The following CEP112 variants were observed in gnomAD, a reference collection of about 807,000 sequenced individuals.
CEP112 encodes centrosomal protein 112, also known as centrosomal protein of 112 kDa.
Under a neutral mutation model 153.0 loss-of-function variants are expected in CEP112, and 127 were observed. That is an observed-to-expected ratio of 0.83 (90% confidence interval 0.72 to 0.96). The LOEUF (loss-of-function observed/expected upper bound fraction) is 0.96. Among genes scored for constraint, CEP112 ranks in the 40% least tolerant of loss-of-function variants. The pLI is 0.00. For missense variants in CEP112, 1,089 were observed against 1,101.2 expected (o/e 0.99, Z 0.16); for synonymous variants, 358 against 374.4 (o/e 0.96, Z 0.51).
intron 24 of CEP112, among the ~76,000 whole-genome samples, chr17:65,649,075 C>CAAACAAACAA (rs753367435): frequency 1.3e-4 from 12 of 94,508 alleles, no homozygotes; most frequent in African/African-American, 3.3e-4. Context: ...AACAAACAAA[C>CAAACAAACAA]ACACACACAC....
chr17:66,177,053 T>A (rs191699256), intron 2 of CEP112, 33 bp from the exon 3 acceptor site: 1 of 1,530,274 alleles, frequency 6.5e-7, no homozygotes, highest in African/African-American at 1.4e-5. Flanking sequence ...AGAAATTTTA[T>A]TTTTTATAAA....
chr17:66,120,645 CAT>C, intron 6 of CEP112, among the ~76,000 whole-genome samples: 1 of 152,166 alleles, frequency 6.6e-6, no homozygotes, highest in Non-Finnish European at 1.5e-5. Context: ...AATGTATGCC[CAT>C]AGAGTTGCTT....
At chr17:65,807,046 G>A (rs1183857749) in intron 21 of CEP112, among the ~76,000 whole-genome samples, 1 of 152,178 alleles carries the variant, frequency 6.6e-6, no homozygotes, top group Non-Finnish European at 1.5e-5. Flanking sequence ...GACCAAAATG[G>A]TGACAGTGAT....
At chr17:66,009,477 C>G (rs991877486) in intron 16 of CEP112, among the ~76,000 whole-genome samples, 3 of 152,068 alleles carry the variant, frequency 2.0e-5, no homozygotes, top group African/African-American at 7.2e-5. Context: ...AAATGGTTTG[C>G]AAATATTTTC....
intron 17 of CEP112, among the ~76,000 whole-genome samples, chr17:65,965,450 A>G (rs558567421): frequency 1.9e-4 from 29 of 152,044 alleles, no homozygotes; most frequent in Admixed American, 3.3e-4. Context: ...ATGTAATTCA[A>G]TGTTCTTGTC....
intron 8 of CEP112, among the ~76,000 whole-genome samples, chr17:66,090,879 G>T (rs185530594): frequency 6.6e-6 from 1 of 152,174 alleles, no homozygotes; most frequent in African/African-American, 2.4e-5. Flanking sequence ...AATGGAAAGA[G>T]CGAGGGTAGA....
intron 23 of CEP112, among the ~76,000 whole-genome samples, chr17:65,725,324 T>C (rs978109181): frequency 6.6e-6 from 1 of 152,052 alleles, no homozygotes; most frequent in Non-Finnish European, 1.5e-5. Context: ...TATATGTGTA[T>C]ATATATATTT....
chr17:65,745,669 A>G (rs2145191152), intron 22 of CEP112, among the ~76,000 whole-genome samples: 1 of 152,266 alleles, frequency 6.6e-6, no homozygotes, highest in East Asian at 1.9e-4. Flanking sequence ...AGAGAATGAC[A>G]GAGAGAGGGT....
chr17:65,796,839 C>G (rs1216863201), intron 21 of CEP112, among the ~76,000 whole-genome samples: 3 of 144,924 alleles, frequency 2.1e-5, no homozygotes, highest in Non-Finnish European at 4.5e-5. Flanking sequence ...TCAAGAGCAG[C>G]CTTGGCAATA....
intron 24 of CEP112, among the ~76,000 whole-genome samples, chr17:65,666,227 A>G (rs1373605580): frequency 6.6e-6 from 1 of 152,224 alleles, no homozygotes; most frequent in Non-Finnish European, 1.5e-5. Context: ...AAACAACAAT[A>G]ATAAAACACA....
intron 24 of CEP112, among the ~76,000 whole-genome samples, chr17:65,663,439 T>C (rs1344842633): frequency 6.6e-6 from 1 of 152,194 alleles, no homozygotes; most frequent in Non-Finnish European, 1.5e-5. Flanking sequence ...TCAACTTAGT[T>C]TGTGGATCAC....
intron 12 of CEP112, among the ~76,000 whole-genome samples, chr17:66,038,108 A>C (rs1322783430): frequency 6.7e-6 from 1 of 149,374 alleles, no homozygotes; most frequent in East Asian, 1.9e-4. Flanking sequence ...CTCAAAAAAA[A>C]AAAAAAGAAA....
chr17:65,999,247 G>A (rs1405718254), intron 17 of CEP112, among the ~76,000 whole-genome samples: 1 of 149,666 alleles, frequency 6.7e-6, no homozygotes, highest in Non-Finnish European at 1.5e-5. Context: ...CTCCAGCCTG[G>A]GCTGGAGTGC....
At chr17:65,693,209 CCT>C (rs1398977554) in intron 23 of CEP112, among the ~76,000 whole-genome samples, 2 of 152,064 alleles carry the variant, frequency 1.3e-5, no homozygotes, top group African/African-American at 4.8e-5. Flanking sequence ...CCTGCAGAAC[CCT>C]GAGAGTGCTA....
chr17:66,081,862 C>T (rs904851809), intron 8 of CEP112, among the ~76,000 whole-genome samples: 10 of 152,138 alleles, frequency 6.6e-5, no homozygotes, highest in African/African-American at 2.4e-4. Context: ...TTATGGTGAG[C>T]CGAGATTGCG....
intron 10 of CEP112, among the ~76,000 whole-genome samples, chr17:66,066,102 A>G (rs1251888739): frequency 6.6e-6 from 1 of 152,080 alleles, no homozygotes; most frequent in Non-Finnish European, 1.5e-5. Flanking sequence ...TCCCAAAACA[A>G]TATTTTCAAC....
chr17:65,960,769 A>G (rs2028617), intron 18 of CEP112, among the ~76,000 whole-genome samples: 73,000 of 152,054 alleles, frequency 0.48, 18,521 homozygotes, highest in East Asian at 0.89. Context: ...CAGAACCCAC[A>G]GATACAAAAA....
intron 4 of CEP112, among the ~76,000 whole-genome samples, chr17:66,147,796 C>T (rs1194977804): frequency 2.6e-5 from 4 of 152,148 alleles, no homozygotes; most frequent in Non-Finnish European, 5.9e-5. Context: ...TCATAGCACC[C>T]TTATCGAAAA....
chr17:66,086,153 T>C (rs1460802606), intron 8 of CEP112, among the ~76,000 whole-genome samples: 1 of 152,026 alleles, frequency 6.6e-6, no homozygotes, highest in Non-Finnish European at 1.5e-5. Flanking sequence ...AGAGCTAATA[T>C]TTAATTTTAA....
Sources: gnomAD v4.1 joint callset for allele counts (sites outside exome capture counted in the v4.1 genomes callset) on GRCh38, gnomAD v4.1.1 for gene constraint, MANE v1.5 for transcripts, NCBI Gene and HGNC (gene_info 2026-07-23, HGNC 2026-07-21) for gene names.